The following FAIM2 variants were observed in gnomAD, a reference collection of about 807,000 sequenced individuals.
FAIM2 encodes Fas apoptotic inhibitory molecule 2.
FAIM2 carries 27 observed loss-of-function variants against 47.4 expected under a neutral mutation model. That is an observed-to-expected ratio of 0.57 (90% CI 0.42 to 0.78). The LOEUF is 0.78. Among genes scored for constraint, FAIM2 ranks in the 30% least tolerant of loss-of-function variants. FAIM2 has a pLI of 0.00. For missense variants in FAIM2, 311 were observed against 389.4 expected (o/e 0.80, Z 1.69); for synonymous variants, 156 against 159.3 (o/e 0.98, Z 0.16).
intron 8 of FAIM2, 119 bp from the exon 9 acceptor site, chr12:49,889,687 G>A: frequency 1.3e-6 from 1 of 779,976 alleles, no homozygotes; most frequent in Non-Finnish European, 2.2e-6. Context: ...CCCCAGTCTG[G>A]TGCCCTTTCC....
intron 8 of FAIM2, 27 bp downstream of exon 8, chr12:49,890,085 GGTCCT>G (rs764513290): frequency 1.2e-6 from 2 of 1,609,808 alleles, no homozygotes; most frequent in Non-Finnish European, 1.7e-6. Context: ...CCTGGCCTAT[GGTCCT>G]TCTCTCCTTC....
rs1183898053 is a variant in FAIM2 at position 49,869,579 on chromosome 12, G to C, written c.*925C>G. The C allele has an allele frequency of 6.6e-6, 1 of 152,578 alleles. No homozygotes were observed. Among genetic ancestry groups the C allele is most frequent in the African/African-American group, 2.4e-5 (1 of 41,440 alleles). The allele number at this position is 152,578 out of a possible 1,614,324, so 9.5% of individuals were successfully genotyped here. A position where few individuals can be genotyped will look rare whatever the true frequency, so the allele number is the denominator to read the frequency against. Reference sequence around the variant, plus strand: ...ATGGGGCTGGCCTGGCAGCTACAGCGATTGCCTCCTCCCCCAGAACATCCA... The same window carrying C: ...ATGGGGCTGGCCTGGCAGCTACAGCCATTGCCTCCTCCCCCAGAACATCCA... On this transcript the variant is annotated 3_prime_UTR_variant, in exon 12 of 12. Coordinates refer to ENST00000320634, the MANE Select transcript of FAIM2 (RefSeq NM_012306.4).
intron 5 of FAIM2, among the ~76,000 whole-genome samples, chr12:49,891,474 G>T (rs1248792328): frequency 6.6e-6 from 1 of 152,160 alleles, no homozygotes; most frequent in Non-Finnish European, 1.5e-5. Context: ...GAGTATCAAC[G>T]AATGTAATCC....
intron 4 of FAIM2, among the ~76,000 whole-genome samples, 157 bp downstream of exon 4, chr12:49,897,362 G>A (rs1946945052): frequency 6.6e-6 from 1 of 152,126 alleles, no homozygotes; most frequent in Non-Finnish European, 1.5e-5. Flanking sequence ...CCCTTGCCTG[G>A]TGCCCTCTCT....
intron 3 of FAIM2, 42 bp downstream of exon 3, chr12:49,897,945 C>A (rs761489779): frequency 6.7e-7 from 1 of 1,487,576 alleles, no homozygotes; most frequent in Admixed American, 1.7e-5. Context: ...GGGGCTCCCC[C>A]ACTGAGGCTC....
chr12:49,867,759 C>A lies in FAIM2; in HGVS notation c.*2745G>T, dbSNP rs574659720. 1 of 152,584 alleles carries A rather than the reference C, an allele frequency of 6.6e-6. No individual in the cohort carries two copies. Among genetic ancestry groups the A allele is most frequent in the African/African-American group, 2.4e-5 (1 of 41,582 alleles). 9.5% of individuals were successfully genotyped at this position (152,584 alleles called of 1,614,324 possible). A position where few individuals can be genotyped will look rare whatever the true frequency, so the allele number is the denominator to read the frequency against. On this transcript the variant is annotated 3_prime_UTR_variant, in exon 12 of 12. Transcript: ENST00000320634. ...CCTGCTCAGCTGCGGTTTCCTTAATCTTGCATTCCTGTTCCCCTGCCCTTC... is the reference window on the plus strand; with the variant it reads ...CCTGCTCAGCTGCGGTTTCCTTAATATTGCATTCCTGTTCCCCTGCCCTTC...
intron 11 of FAIM2, among the ~76,000 whole-genome samples, chr12:49,880,348 G>T (rs1946805700): frequency 6.6e-6 from 1 of 150,902 alleles, no homozygotes; most frequent in Non-Finnish European, 1.5e-5. Context: ...GTTTGTGTAT[G>T]TGCATGTATG....
At chr12:49,895,350 C>T (rs1946928923) in intron 5 of FAIM2, among the ~76,000 whole-genome samples, 1 of 152,044 alleles carries the variant, frequency 6.6e-6, no homozygotes, top group Admixed American at 6.5e-5. Context: ...ATGGAGTGGA[C>T]TCTGCCTCCA....
intron 11 of FAIM2, among the ~76,000 whole-genome samples, chr12:49,879,418 GTGTA>G (rs889328403): frequency 2.0e-5 from 3 of 147,662 alleles, no homozygotes; most frequent in South Asian, 2.2e-4. Flanking sequence ...GTGCATGTGA[GTGTA>G]TGTGTGTATG....
chr12:49,877,842 GTGT>G (rs1592784656), intron 11 of FAIM2, among the ~76,000 whole-genome samples: 1 of 152,062 alleles, frequency 6.6e-6, no homozygotes, highest in East Asian at 1.9e-4. Context: ...GCGTATATGT[GTGT>G]AGGTGTGTGC....
chr12:49,870,660 G>A lies in FAIM2; in HGVS notation c.802-7C>T. ...GGGTGTCAAGTGCCAGGAACTGGGA[G>A]AAGTGAGGAGAGAGAGAGAGAGGTC... On this transcript the variant is annotated splice_region_variant and splice_polypyrimidine_tract_variant and intron_variant, in intron 11 of 11. Transcript: ENST00000320634. 1 of 1,613,708 alleles carries A rather than the reference G, an allele frequency of 6.2e-7. No homozygotes were observed. Among genetic ancestry groups the A allele is most frequent in the Non-Finnish European group, 8.5e-7 (1 of 1,179,912 alleles).
At chr12:49,880,458 A>G (rs111203877) in intron 11 of FAIM2, among the ~76,000 whole-genome samples, 39 of 147,182 alleles carry the variant, frequency 2.6e-4, no homozygotes, top group East Asian at 1.8e-3. Flanking sequence ...GTGCATGTGT[A>G]TGTGTGTGTG....
At chr12:49,888,992 AGG>A (rs1946880481) in intron 10 of FAIM2, 113 bp downstream of exon 10, 6 of 754,256 alleles carry the variant, frequency 8.0e-6, no homozygotes, top group Non-Finnish European at 1.4e-5. Context: ...ACAGGATGGC[AGG>A]CTGTGGGGCC....
In FAIM2 at chr12:49,870,420, A is replaced by G; in HGVS notation, c.*84T>C. The G allele has an allele frequency of 7.6e-7, 1 of 1,308,202 alleles. No homozygotes were observed. The highest frequency in any genetic ancestry group is 1.1e-6 in the Non-Finnish European group (1 of 925,372). The allele number at this position is 1,308,202 out of a possible 1,614,324, so 81.0% of individuals were successfully genotyped here. On this transcript the variant is annotated 3_prime_UTR_variant, in exon 12 of 12. Coordinates refer to ENST00000320634, the MANE Select transcript of FAIM2 (RefSeq NM_012306.4). ...AGGCTGGGTTGGCAGCTAGTTTTATATCTGGTCTCGCAGGAGCGCAGGGGA... is the reference window on the plus strand; with the variant it reads ...AGGCTGGGTTGGCAGCTAGTTTTATGTCTGGTCTCGCAGGAGCGCAGGGGA...
At chr12:49,896,362 A>G (rs1946937245) in intron 5 of FAIM2, among the ~76,000 whole-genome samples, 1 of 152,142 alleles carries the variant, frequency 6.6e-6, no homozygotes, top group Non-Finnish European at 1.5e-5. Flanking sequence ...TCCTCAAAGA[A>G]TATAGGACAA....
intron 11 of FAIM2, among the ~76,000 whole-genome samples, chr12:49,880,176 G>GTGCA (rs1352616848): frequency 1.1e-3 from 98 of 87,286 alleles, no homozygotes; most frequent in African/African-American, 4.4e-3. Flanking sequence ...GTATGTGTGT[G>GTGCA]TATGCATGTG....
chr12:49,885,177 G>C (rs1946852810), intron 11 of FAIM2, among the ~76,000 whole-genome samples: 1 of 152,190 alleles, frequency 6.6e-6, no homozygotes, highest in Non-Finnish European at 1.5e-5. Flanking sequence ...AATAACACTA[G>C]GGCTTATCAA....
chr12:49,880,324 GTGTC>G (rs1313091155), intron 11 of FAIM2, among the ~76,000 whole-genome samples: 22 of 151,622 alleles, frequency 1.5e-4, no homozygotes, highest in African/African-American at 4.1e-4. Flanking sequence ...ATGTGTATGT[GTGTC>G]TGTGTGCATG....
rs1479583639 is a variant in FAIM2 at position 49,867,614 on chromosome 12, C to T, written c.*2890G>A. 1.3e-5 allele frequency: 2 copies of T among 152,300 alleles called. No homozygotes were observed. Among genetic ancestry groups the T allele is most frequent in the Non-Finnish European group, 2.9e-5 (2 of 68,128 alleles). 9.4% of individuals were successfully genotyped at this position (152,300 alleles called of 1,614,324 possible). A position where few individuals can be genotyped will look rare whatever the true frequency, so the allele number is the denominator to read the frequency against. On this transcript the variant is annotated 3_prime_UTR_variant, in exon 12 of 12. Coordinates refer to ENST00000320634, the MANE Select transcript of FAIM2 (RefSeq NM_012306.4). ...CCCCTCAACTCACATTCCGGACAGT[C>T]AGATTCCTGGCTGCCTCCAGCTTTA...
Sources: allele counts gnomAD v4.1 joint callset (sites outside exome capture counted in the v4.1 genomes callset), GRCh38; gene constraint gnomAD v4.1.1; transcripts MANE v1.5; gene names NCBI Gene and HGNC (gene_info 2026-07-23, HGNC 2026-07-21).